The following SLFN12L variants were observed in gnomAD, a reference collection of about 807,000 sequenced individuals.
SLFN12L encodes schlafen family member 12-like.
SLFN12L carries 34 observed loss-of-function variants against 34.8 expected under a neutral mutation model. That is an observed-to-expected ratio of 0.98 (90% CI 0.74 to 1.30). The LOEUF (loss-of-function observed/expected upper bound fraction) is 1.30. SLFN12L is among the 50% of genes most tolerant of loss of function. The pLI, the probability that SLFN12L is intolerant of heterozygous loss-of-function variation, is 0.00. For missense variants in SLFN12L, 703 were observed against 696.2 expected (o/e 1.01, Z -0.11); for synonymous variants, 259 against 247.5 (o/e 1.05, Z -0.44).
At chr17:35,487,703 A>T (rs990058104) in intron 2 of SLFN12L, 2 of 1,449,872 alleles carry the variant, frequency 1.4e-6, no homozygotes, top group Non-Finnish European at 1.8e-6. Flanking sequence ...AAAAAAAGTT[A>T]TTTAAAGAAA....
chr17:35,484,941 T>C (rs1324930623), intron 2 of SLFN12L, among the ~76,000 whole-genome samples: 1 of 152,240 alleles, frequency 6.6e-6, no homozygotes. Context: ...TTTTCTGTTT[T>C]TTCCTGACTC....
rs556006361 is a variant in SLFN12L, at chr17:35,464,321, T to A, written c.*10602A>T. 2.0e-5 allele frequency: 3 copies of A among 152,158 alleles called. No homozygotes were observed. Among genetic ancestry groups the A allele is most frequent in the Non-Finnish European group, 2.9e-5 (2 of 68,026 alleles). 9.4% of individuals were successfully genotyped at this position (152,158 alleles called of 1,614,324 possible). Reference sequence around the variant, plus strand: ...CGCATGTGAAGGCTCATTACACAGGTAAACATGTGTCATGGGGTTTTGTTA... The same window carrying A: ...CGCATGTGAAGGCTCATTACACAGGAAAACATGTGTCATGGGGTTTTGTTA... On this transcript the variant is annotated 3_prime_UTR_variant, in exon 5 of 5. Coordinates refer to ENST00000628453, the MANE Select transcript of SLFN12L (RefSeq NM_001363830.2).
intron 1 of SLFN12L, among the ~76,000 whole-genome samples, chr17:35,536,887 C>A (rs1031987827): frequency 1.3e-5 from 2 of 151,482 alleles, no homozygotes; most frequent in Admixed American, 1.3e-4. Flanking sequence ...AGAATCTTCA[C>A]AGGCGAGGCT....
At chr17:35,480,493 T>A (rs566142393) in intron 2 of SLFN12L, 62 of 260,406 alleles carry the variant, frequency 2.4e-4, no homozygotes, top group African/African-American at 1.3e-3. Context: ...TTGTTTTCTC[T>A]CTTCTTTCTT....
At position 35,473,485 on chromosome 17, in the gene SLFN12L, A is replaced by C. The variant is rs1468920898; in HGVS notation, c.*1438T>G. 6.6e-6 allele frequency among the ~76,000 whole-genome samples: 1 copy of C among 152,204 alleles called. No individual in the cohort carries two copies. Among genetic ancestry groups the C allele is most frequent in the Non-Finnish European group, 1.5e-5 (1 of 68,038 alleles). On this transcript the variant is annotated 3_prime_UTR_variant, in exon 5 of 5. Coordinates refer to ENST00000628453, the MANE Select transcript of SLFN12L (RefSeq NM_001363830.2). Reference sequence around the variant, plus strand: ...TTTGTGTTTGTTGAATCAGCCTTGCATCCCAGGGATGAGGCCCACTTGATC... The same window carrying C: ...TTTGTGTTTGTTGAATCAGCCTTGCCTCCCAGGGATGAGGCCCACTTGATC...
chr17:35,527,060 C>A (rs2072342746), intron 1 of SLFN12L, among the ~76,000 whole-genome samples: 1 of 151,958 alleles, frequency 6.6e-6, no homozygotes, highest in Non-Finnish European at 1.5e-5. Flanking sequence ...TGCAAACCAC[C>A]ATCAGAGAAT....
intron 2 of SLFN12L, among the ~76,000 whole-genome samples, chr17:35,505,552 A>G (rs1915439044): frequency 1.3e-5 from 2 of 152,194 alleles, no homozygotes; most frequent in African/African-American, 4.8e-5. Context: ...CTATGTGAAA[A>G]TCCCCGCATA....
intron 2 of SLFN12L, chr17:35,490,403 AC>A (rs965348092): frequency 2.5e-5 from 31 of 1,256,118 alleles, no homozygotes; most frequent in Non-Finnish European, 3.5e-5. Context: ...CAGCTCCTGA[AC>A]CAGTCACCCG....
At chr17:35,480,501 CT>C (rs975347928) in intron 2 of SLFN12L, 87 of 245,534 alleles carry the variant, frequency 3.5e-4, no homozygotes, top group African/African-American at 1.8e-3. Flanking sequence ...TCTCTTCTTT[CT>C]TTAAGTAAAT....
chr17:35,533,810 A>G (rs1036696768), intron 1 of SLFN12L, among the ~76,000 whole-genome samples: 3 of 152,238 alleles, frequency 2.0e-5, no homozygotes, highest in South Asian at 2.1e-4. Context: ...GCCAGACACC[A>G]TAGCTCACGC....
rs1916034733 is a variant in SLFN12L at position 35,522,698 on chromosome 17, C to T, written c.-334G>A. On this transcript the variant is annotated 5_prime_UTR_variant, in exon 2 of 5. Transcript: ENST00000628453. ...ACACACACCTCCCCAGTGTAGCCCCCCATGTTCACCAGCTTCTGCTTCAAA... is the reference window on the plus strand; with the variant it reads ...ACACACACCTCCCCAGTGTAGCCCCTCATGTTCACCAGCTTCTGCTTCAAA... The T allele has an allele frequency of 1.2e-6, 2 of 1,614,054 alleles. No homozygotes were observed. Among genetic ancestry groups the T allele is most frequent in the Non-Finnish European group, 1.7e-6 (2 of 1,180,034 alleles).
intron 1 of SLFN12L, among the ~76,000 whole-genome samples, chr17:35,535,732 C>T (rs1024577602): frequency 1.3e-5 from 2 of 151,962 alleles, no homozygotes; most frequent in Non-Finnish European, 2.9e-5. Flanking sequence ...CTCAGCTAAC[C>T]GCACCCTCCA....
chr17:35,492,959 GA>G (rs57220811), intron 2 of SLFN12L, among the ~76,000 whole-genome samples: 15 of 73,466 alleles, frequency 2.0e-4, no homozygotes, highest in South Asian at 3.6e-4. Flanking sequence ...TCCCTTAGGG[GA>G]AAAAAAAAAC....
At chr17:35,535,190 C>CT (rs35271725) in intron 1 of SLFN12L, among the ~76,000 whole-genome samples, 18,983 of 131,262 alleles carry the variant, frequency 0.14, 1,452 homozygotes, top group Admixed American at 0.17. Flanking sequence ...TCTCTTTCTC[C>CT]TTTTTTTTTT....
intron 1 of SLFN12L, among the ~76,000 whole-genome samples, chr17:35,523,936 A>C (rs1192525899): frequency 6.7e-6 from 1 of 148,640 alleles, no homozygotes; most frequent in East Asian, 1.9e-4. Flanking sequence ...ACTTGTCTTA[A>C]AAAAAAAAAA....
chr17:35,506,982 T>C (rs1306175692), intron 2 of SLFN12L, among the ~76,000 whole-genome samples: 1 of 152,202 alleles, frequency 6.6e-6, no homozygotes, highest in Admixed American at 6.5e-5. Flanking sequence ...CAAACCACAC[T>C]AAGAAAAATC....
intron 2 of SLFN12L, among the ~76,000 whole-genome samples, chr17:35,513,998 A>G (rs547377305): frequency 6.6e-6 from 1 of 152,374 alleles, no homozygotes; most frequent in Non-Finnish European, 1.5e-5. Context: ...GAAGGTGGAT[A>G]TGAAGATACT....
Position 35,470,565 on chromosome 17 carries a change from T to G in SLFN12L, c.*4358A>C, listed in dbSNP as rs1913789043. ...TGCACTCACTGTTTGATGATGGTGG[T>G]CTTCCCCATGCCCAGGTCACCCATC... On this transcript the variant is annotated 3_prime_UTR_variant, in exon 5 of 5. Transcript: ENST00000628453. The G allele has an allele frequency of 6.6e-6, 1 of 152,262 alleles. No individual in the cohort carries two copies. The highest frequency in any genetic ancestry group is 1.5e-5 in the Non-Finnish European group (1 of 68,170). 9.4% of individuals were successfully genotyped at this position (152,262 alleles called of 1,614,324 possible).
At chr17:35,521,505 T>A (rs1915995332) in intron 2 of SLFN12L, among the ~76,000 whole-genome samples, 1 of 152,202 alleles carries the variant, frequency 6.6e-6, no homozygotes, top group Admixed American at 6.5e-5. Flanking sequence ...GATTTTCAGA[T>A]CTTTAATAGA....
Sources: gnomAD v4.1 joint callset for allele counts (sites outside exome capture counted in the v4.1 genomes callset) on GRCh38, gnomAD v4.1.1 for gene constraint, MANE v1.5 for transcripts, NCBI Gene and HGNC (gene_info 2026-07-23, HGNC 2026-07-21) for gene names.